CHDH: variants seen among roughly 807,000 people sequenced by gnomAD.
CHDH encodes the protein choline dehydrogenase, mitochondrial.
Under a neutral mutation model 56.9 loss-of-function variants are expected in CHDH, and 43 were observed. The ratio of observed to expected loss-of-function variants is 0.76; its 90% CI spans 0.59 to 0.97. The LOEUF is 0.97. Among genes scored for constraint, CHDH ranks in the 50% least tolerant of loss-of-function variants. CHDH has a pLI of 0.00. For synonymous variants in CHDH, 364 were observed against 348.5 expected (o/e 1.04, Z -0.50); for missense variants, 816 against 821.1 (o/e 0.99, Z 0.08).
At chr3:53,826,463 T>C (rs540290236) in intron 2 of CHDH, among the ~76,000 whole-genome samples, 1 of 152,218 alleles carries the variant, frequency 6.6e-6, no homozygotes, top group Non-Finnish European at 1.5e-5. Context: ...GCAAGACTGG[T>C]TCAACATTCA....
chr3:53,812,450 A>ATCTT lies in CHDH; in HGVS notation c.*5323_*5326dup, dbSNP rs1167119512. 2 of 152,228 alleles carry ATCTT rather than the reference A, an allele frequency of 1.3e-5. No individual in the cohort carries two copies. The highest frequency in any genetic ancestry group is 3.8e-4 in the East Asian group (2 of 5,200). The allele number at this position is 152,228 out of a possible 1,614,324, so 9.4% of individuals were successfully genotyped here. A position where few individuals can be genotyped will look rare whatever the true frequency, so the allele number is the denominator to read the frequency against. On this transcript the variant is annotated 3_prime_UTR_variant, in exon 9 of 9. Coordinates refer to ENST00000315251, the MANE Select transcript of CHDH (RefSeq NM_018397.5). ...TATTTTGAGTCACTATAAACCTATCATCTTTCCACAAGATATACCAGATGA... is the reference window on the plus strand; with the variant it reads ...TATTTTGAGTCACTATAAACCTATCATCTTTCTTTCCACAAGATATACCAGATGA...
In CHDH at chr3:53,815,177, T is replaced by C. The variant is rs1252734327; in HGVS notation, c.*2600A>G. The C allele has an allele frequency of 2.0e-5, 3 of 152,204 alleles. No individual in the cohort carries two copies. In the East Asian group the frequency reaches 5.8e-4, roughly 29 times the overall value. 9.4% of individuals were successfully genotyped at this position (152,204 alleles called of 1,614,324 possible). On this transcript the variant is annotated 3_prime_UTR_variant, in exon 9 of 9. Transcript: ENST00000315251. ...GCGGCTTCAACACAGGCTTCTGCAA[T>C]AGGTCAGGGCTCCTGAGAGCACTGG...
At chr3:53,825,029 C>T (rs2095636450) in intron 2 of CHDH, among the ~76,000 whole-genome samples, 3 of 152,196 alleles carry the variant, frequency 2.0e-5, no homozygotes, top group Admixed American at 6.5e-5. Flanking sequence ...ACAGAGGTGG[C>T]GGGGCCTCCT....
chr3:53,842,137 G>T (rs1347117772), intron 1 of CHDH, among the ~76,000 whole-genome samples: 1 of 148,258 alleles, frequency 6.7e-6, no homozygotes, highest in Non-Finnish European at 1.5e-5. Flanking sequence ...AAAAAAAAAA[G>T]AAAAAAGAAA....
At position 53,817,826 on chromosome 3, in the gene CHDH, T is replaced by A; in HGVS notation, c.1736A>T (p.Asp579Val). The change falls in exon 9 of 9, where the codon GAC becomes GTC. Residue 579 changes from aspartate (D) to valine (V), a missense_variant. Transcript: ENST00000315251. ...DIIKGQPALWDKDVPVYKPRT... is the reference protein window; with the variant it reads ...DIIKGQPALWVKDVPVYKPRT... ...GGGCTTGTAGACAGGGACATCTTTG[T>A]CCCAGAGTGCAGGCTGCCCCTTGAT... 6.2e-7 allele frequency: 1 copy of A among 1,613,808 alleles called. No individual in the cohort carries two copies. The highest frequency in any genetic ancestry group is 8.5e-7 in the Non-Finnish European group (1 of 1,179,852).
chr3:53,833,939 G>A (rs1331116556), intron 2 of CHDH, among the ~76,000 whole-genome samples: 2 of 152,156 alleles, frequency 1.3e-5, no homozygotes, highest in Non-Finnish European at 2.9e-5. Flanking sequence ...CTGGACACCT[G>A]GTCCCTGTAG....
At chr3:53,825,491 G>GAT (rs1439870570) in intron 2 of CHDH, among the ~76,000 whole-genome samples, 1 of 151,928 alleles carries the variant, frequency 6.6e-6, no homozygotes, top group African/African-American at 2.4e-5. Flanking sequence ...TTTTTAATTG[G>GAT]ATATAGCACA....
At chr3:53,822,746 C>G (rs1296680939) in intron 3 of CHDH, 104 bp from the exon 4 acceptor site, 5 of 1,371,488 alleles carry the variant, frequency 3.6e-6, no homozygotes, top group Admixed American at 4.5e-5. Flanking sequence ...CCAGCTCTGA[C>G]TGCAAGTCCC....
In CHDH at chr3:53,821,720, C is replaced by T. The variant is rs1173391768; in HGVS notation, c.912G>A (p.Leu304=). ...LSGGAINSPQ[L]LMLSGIGNAD... is the part of the protein sequence containing the mutation. ...CATTCCCGATGCCAGAGAGCATGAG[C>T]AGCTGTGGAGAGTTGATGGCACCTC... The change falls in exon 5 of 9, where the codon CTG becomes CTA. Residue 304 remains leucine (L), a synonymous_variant. Coordinates refer to ENST00000315251, the MANE Select transcript of CHDH (RefSeq NM_018397.5). 6.2e-7 allele frequency: 1 copy of T among 1,614,076 alleles called. No individual in the cohort carries two copies. The highest frequency in any genetic ancestry group is 1.3e-5 in the African/African-American group (1 of 75,034).
intron 8 of CHDH, 119 bp downstream of exon 8, chr3:53,818,819 G>T: frequency 1.3e-6 from 1 of 756,824 alleles, no homozygotes; most frequent in South Asian, 1.5e-5. Context: ...GGTGGGGGAC[G>T]ACAGAGGGTC....
In CHDH at chr3:53,819,530, A is replaced by ACCTGGTAAG; in HGVS notation, c.1256_1263+1dup. 1.2e-6 allele frequency: 2 copies of ACCTGGTAAG among 1,603,900 alleles called. No homozygotes were observed. The highest frequency in any genetic ancestry group is 1.7e-6 in the Non-Finnish European group (2 of 1,175,280). On this transcript the variant is annotated splice_donor_variant, in intron 7 of 8. Transcript: ENST00000315251. LOFTEE classifies it high-confidence loss of function. The surrounding 1 kb of genome is among the most constrained non-coding windows in gnomAD (Gnocchi z 5.4). ...GAAGCCGAGGCTCTTCCACCTGCTC[A>ACCTGGTAAG]CCTGGTAAGCCTCCTGCTGGGTGGG...
At chr3:53,826,007 A>C (rs2095638376) in intron 2 of CHDH, among the ~76,000 whole-genome samples, 1 of 152,106 alleles carries the variant, frequency 6.6e-6, no homozygotes, top group Admixed American at 6.6e-5. Flanking sequence ...TTTAAAAATA[A>C]ATTAGATGAT....
chr3:53,844,330 T>G (rs1698782779), intron 1 of CHDH, among the ~76,000 whole-genome samples: 1 of 152,172 alleles, frequency 6.6e-6, no homozygotes, highest in African/African-American at 2.4e-5. Flanking sequence ...AGCCCTTCTC[T>G]TTTTACAAAA....
At chr3:53,818,778 G>A (rs867937357) in intron 8 of CHDH, among the ~76,000 whole-genome samples, 160 bp downstream of exon 8, 9 of 152,334 alleles carry the variant, frequency 5.9e-5, no homozygotes, top group Middle Eastern at 3.4e-3. Flanking sequence ...CTACGGGGCT[G>A]CCTATGCAAG....
In CHDH at chr3:53,819,524, C is replaced by T; in HGVS notation, c.1263+8G>A. 1 of 1,601,120 alleles carries T rather than the reference C, an allele frequency of 6.2e-7. No individual in the cohort carries two copies. The highest frequency in any genetic ancestry group is 8.5e-7 in the Non-Finnish European group (1 of 1,174,026). On this transcript the variant is annotated splice_region_variant and intron_variant, in intron 7 of 8. Transcript: ENST00000315251. This position sits in a 1 kb window ranked among gnomAD's most constrained non-coding sequence, Gnocchi z 5.4. ...TCCTGGGAAGCCGAGGCTCTTCCAC[C>T]TGCTCACCTGGTAAGCCTCCTGCTG...
intron 2 of CHDH, among the ~76,000 whole-genome samples, chr3:53,839,593 C>T (rs572899062): frequency 3.3e-5 from 5 of 152,216 alleles, no homozygotes; most frequent in Non-Finnish European, 5.9e-5. Flanking sequence ...TTTCAGGAAC[C>T]TTTGTACATT....
At position 53,823,613 on chromosome 3, in the gene CHDH, T is replaced by C. The variant is rs1424659131; in HGVS notation, c.396A>G (p.Ser132=). Residue 132 remains serine, a synonymous_variant, in exon 3 of 9, where the codon TCA becomes TCG. Coordinates refer to ENST00000315251, the MANE Select transcript of CHDH (RefSeq NM_018397.5). The stretch of plus-strand genomic sequence containing the variant: ...GGACGTAGACCATGGCATTGAGGGA[T>C]GAGGAGCCACCCCAGACGCGGCCGC... ...WPRGRVWGGS[S]SLNAMVYVRG... 2.6e-6 allele frequency: 4 copies of C among 1,543,830 alleles called. No homozygotes were observed. The highest frequency in any genetic ancestry group is 2.0e-5 in the Admixed American group (1 of 50,972).
At position 53,819,041 on chromosome 3, in the gene CHDH, C is replaced by T. The variant is rs1222306733; in HGVS notation, c.1264-1G>A. 2 of 1,605,046 alleles carry T rather than the reference C, an allele frequency of 1.2e-6. No individual in the cohort carries two copies. Among genetic ancestry groups the T allele is most frequent in the African/African-American group, 2.7e-5 (2 of 74,770 alleles). ...TGCCCCGCATGGGCCCCACATGTAC[C>T]TAGAAGAACACAGAGGAAGCAGTGA... On this transcript the variant is annotated splice_acceptor_variant, in intron 7 of 8. Transcript: ENST00000315251. LOFTEE classifies it high-confidence loss of function. The surrounding 1 kb of genome is among the most constrained non-coding windows in gnomAD (Gnocchi z 5.4).
intron 2 of CHDH, among the ~76,000 whole-genome samples, chr3:53,839,052 T>G (rs1023129052): frequency 6.6e-6 from 1 of 152,032 alleles, no homozygotes; most frequent in Non-Finnish European, 1.5e-5. Context: ...CAGGGTGATG[T>G]CAGAACAAGC....
Sources: allele counts gnomAD v4.1 joint callset (sites outside exome capture counted in the v4.1 genomes callset), GRCh38; gene constraint gnomAD v4.1.1; non-coding constraint Gnocchi (gnomAD v3.1); transcripts MANE v1.5; gene names NCBI Gene and HGNC (gene_info 2026-07-23, HGNC 2026-07-21).